The following WSCD1 variants were observed in gnomAD, a reference collection of about 807,000 sequenced individuals.
WSCD1 encodes sialate:O-sulfotransferase 1.
Under a neutral mutation model 60.4 loss-of-function variants are expected in WSCD1, and 41 were observed. The observed-to-expected ratio is 0.68, with a 90% CI of 0.53 to 0.88. The LOEUF (loss-of-function observed/expected upper bound fraction) is 0.88, where lower values mean the gene tolerates loss of function less well. Ranked by LOEUF, WSCD1 falls within the 40% of genes least tolerant of loss-of-function variation. WSCD1 has a pLI of 0.00. For synonymous variants in WSCD1, 361 were observed against 332.5 expected, an observed-to-expected ratio of 1.09 and a Z score of -0.93; for missense variants, 784 against 796.2, an observed-to-expected ratio of 0.98 and a Z score of 0.18.
chr17:6,120,533 C>A lies in WSCD1; in HGVS notation c.1600C>A (p.Arg534Ser). ...KEGSFRRRGR[R>S]SHDPEPFTPE... The stretch of plus-strand genomic sequence containing the variant: ...GGGCAGCTTCCGGCGGCGCGGCCGG[C>A]GCTCCCACGACCCTGAGCCCTTCAC... Residue 534 changes from arginine to serine, a missense_variant, in exon 9 of 9, where the codon CGC (arginine) becomes AGC (serine). Transcript: ENST00000317744. The A allele has an allele frequency of 6.2e-7, 1 of 1,613,748 alleles. No individual in the cohort carries two copies. Among genetic ancestry groups the A allele is most frequent in the Non-Finnish European group, 8.5e-7 (1 of 1,179,996 alleles).
chr17:6,121,199 G>T lies in WSCD1; in HGVS notation c.*538G>T, dbSNP rs1173344037. Reference sequence around the variant, plus strand: ...AGCAGCAAGGACCATTGGGATGGAGGTGGGCACAAAGACTGCTGCTTCCAG... The same window carrying T: ...AGCAGCAAGGACCATTGGGATGGAGTTGGGCACAAAGACTGCTGCTTCCAG... On this transcript the variant is annotated 3_prime_UTR_variant, in exon 9 of 9. Coordinates refer to ENST00000317744, the MANE Select transcript of WSCD1 (RefSeq NM_015253.2). 6.4e-6 allele frequency: 1 copy of T among 156,084 alleles called. No homozygotes were observed. Among genetic ancestry groups the T allele is most frequent in the Non-Finnish European group, 1.4e-5 (1 of 70,756 alleles). The allele number at this position is 156,084 out of a possible 1,614,324, so 9.7% of individuals were successfully genotyped here.
intron 1 of WSCD1, among the ~76,000 whole-genome samples, chr17:6,073,090 A>G (rs1908642332): frequency 6.6e-6 from 1 of 152,112 alleles, no homozygotes; most frequent in Non-Finnish European, 1.5e-5. Flanking sequence ...TTCTGAGGAC[A>G]AGGATGTGCA....
rs1908777300 is a variant in WSCD1, at chr17:6,075,293, G to A, written c.-289+4641G>A. ...CTCTGCCTGTTCTCTCTGACCGGGG[G>A]TCACGGGGAGGTTGAGTCATCTGAC... On this transcript the variant is annotated intron_variant, in intron 1 of 8. Coordinates refer to ENST00000317744, the MANE Select transcript of WSCD1 (RefSeq NM_015253.2). This position sits in a 1 kb window ranked among gnomAD's most constrained non-coding sequence, Gnocchi z 4.1. Among the ~76,000 whole-genome samples, 1 of 152,118 alleles carries A rather than the reference G, an allele frequency of 6.6e-6. No individual in the cohort carries two copies. Among genetic ancestry groups the A allele is most frequent in the Non-Finnish European group, 1.5e-5 (1 of 68,012 alleles).
intron 5 of WSCD1, among the ~76,000 whole-genome samples, chr17:6,099,543 G>T (rs1048746200): frequency 1.3e-5 from 2 of 151,870 alleles, no homozygotes; most frequent in African/African-American, 4.8e-5. Context: ...AGAGCAACTG[G>T]GTTCACTCAA....
chr17:6,087,666 G>A (rs964629125), intron 2 of WSCD1, among the ~76,000 whole-genome samples: 1 of 152,230 alleles, frequency 6.6e-6, no homozygotes, highest in Non-Finnish European at 1.5e-5. Context: ...TAGAGTCCAT[G>A]AGAGGTAATC....
At chr17:6,095,311 T>C in intron 5 of WSCD1, 88 bp downstream of exon 5, 1 of 1,464,780 alleles carries the variant, frequency 6.8e-7, no homozygotes, top group Non-Finnish European at 9.1e-7. Flanking sequence ...GGGCTGCGGG[T>C]GTCCCCTCTG....
rs565369811 is a variant in WSCD1 at position 6,103,445 on chromosome 17, C to A, written c.850-6162C>A. On this transcript the variant is annotated intron_variant, in intron 5 of 8. Transcript: ENST00000317744. ...TCTGAGTCACACTGTGTTTCACAGA[C>A]TCTTCTGTCTGAAGGATGTTTGTTT... Among the ~76,000 whole-genome samples the A allele has an allele frequency of 2.6e-5, 4 of 152,276 alleles. No individual in the cohort carries two copies. In the East Asian group the frequency reaches 7.7e-4, roughly 29 times the overall value.
chr17:6,076,901 G>A lies in WSCD1; in HGVS notation c.-288-3470G>A, dbSNP rs115695081. Among the ~76,000 whole-genome samples the A allele has an allele frequency of 2.4e-3, 371 of 152,268 alleles. 4 individuals carry two copies. The highest frequency in any genetic ancestry group is 8.6e-3 in the African/African-American group (358 of 41,548). ...GGTCTCTTTTGGGTTCATTCACTTA[G>A]CAAACATTTACCATCACTGCCCTGC... is the stretch of plus-strand genomic sequence containing the variant. On this transcript the variant is annotated intron_variant, in intron 1 of 8. Coordinates refer to ENST00000317744, the MANE Select transcript of WSCD1 (RefSeq NM_015253.2).
chr17:6,073,040 T>C (rs1908637899), intron 1 of WSCD1, among the ~76,000 whole-genome samples: 1 of 152,194 alleles, frequency 6.6e-6, no homozygotes, highest in Non-Finnish European at 1.5e-5. Context: ...TGAGCTCCCT[T>C]CTAGAGAGTG....
At chr17:6,078,631 G>A (rs1289076056) in intron 1 of WSCD1, among the ~76,000 whole-genome samples, 1 of 152,152 alleles carries the variant, frequency 6.6e-6, no homozygotes, top group African/African-American at 2.4e-5. Context: ...GGAAGCCAAA[G>A]GAAGAGACCT....
Position 6,088,023 on chromosome 17 carries a change from A to G in WSCD1, c.461A>G (p.His154Arg). 6.2e-7 allele frequency: 1 copy of G among 1,614,172 alleles called. No individual in the cohort carries two copies. Among genetic ancestry groups the G allele is most frequent in the Non-Finnish European group, 8.5e-7 (1 of 1,180,012 alleles). ...TYIGCFSDDG[H>R]ERTLKGAVFY... ...ATTGGATGCTTCAGTGACGATGGCC[A>G]CGAGAGGACTCTGAAAGGAGCTGTG... The change falls in exon 3 of 9, where the codon CAC becomes CGC. Residue 154 changes from histidine (H) to arginine (R), a missense_variant. By Grantham distance (29) the His-to-Arg change is conservative. Coordinates refer to ENST00000317744, the MANE Select transcript of WSCD1 (RefSeq NM_015253.2).
intron 4 of WSCD1, 33 bp downstream of exon 4, chr17:6,090,538 C>G (rs750790319): frequency 1.9e-6 from 3 of 1,608,196 alleles, no homozygotes; most frequent in South Asian, 1.1e-5. Context: ...GAGCTTTGTC[C>G]GTCTGTCCCA....
intron 5 of WSCD1, among the ~76,000 whole-genome samples, chr17:6,100,921 G>T (rs1910762272): frequency 6.6e-6 from 1 of 152,224 alleles, no homozygotes; most frequent in South Asian, 2.1e-4. Context: ...ACCATTGTGA[G>T]GATGGAGAAG....
intron 5 of WSCD1, among the ~76,000 whole-genome samples, chr17:6,106,202 A>G (rs1911078189): frequency 6.6e-6 from 1 of 152,246 alleles, no homozygotes; most frequent in African/African-American, 2.4e-5. Flanking sequence ...TAAATTATAT[A>G]GTATGTTGTA....
chr17:6,099,816 C>T (rs1910690479), intron 5 of WSCD1, among the ~76,000 whole-genome samples: 1 of 152,198 alleles, frequency 6.6e-6, no homozygotes, highest in Non-Finnish European at 1.5e-5. Flanking sequence ...GGGGTTTTCT[C>T]TTTGTTCAAA....
chr17:6,120,222 A>G (rs1392662517), intron 8 of WSCD1, 87 bp from the exon 9 acceptor site: 1 of 1,421,506 alleles, frequency 7.0e-7, no homozygotes, highest in African/African-American at 1.4e-5. Context: ...AACCCTGCCC[A>G]CTTCCCTCTC....
At chr17:6,113,620 A>C (rs945203694) in intron 7 of WSCD1, among the ~76,000 whole-genome samples, 9 of 152,316 alleles carry the variant, frequency 5.9e-5, no homozygotes, top group African/African-American at 2.2e-4. Context: ...TTAATAACCA[A>C]AGTATATAAG....
At chr17:6,090,653 T>C in intron 4 of WSCD1, 148 bp downstream of exon 4, 1 of 1,156,562 alleles carries the variant, frequency 8.6e-7, no homozygotes, top group Non-Finnish European at 1.2e-6. Context: ...CTGGACAGGC[T>C]CCTGGCAGGG....
chr17:6,115,644 G>A (rs192669389), intron 7 of WSCD1, among the ~76,000 whole-genome samples: 2 of 151,416 alleles, frequency 1.3e-5, no homozygotes, highest in Admixed American at 1.3e-4. Flanking sequence ...GCCCAGGATG[G>A]AGTGCAATGG....
Sources: allele counts gnomAD v4.1 joint callset (sites outside exome capture counted in the v4.1 genomes callset), GRCh38; gene constraint gnomAD v4.1.1; non-coding constraint Gnocchi (gnomAD v3.1); transcripts MANE v1.5; gene names NCBI Gene and HGNC (gene_info 2026-07-23, HGNC 2026-07-21).